HTRA1: variants seen among roughly 807,000 people sequenced by gnomAD.
The protein encoded by HTRA1 is serine protease HTRA1.
In HTRA1, 26 loss-of-function variants were observed where a neutral mutation model predicts 49.7. The observed-to-expected ratio is 0.52, with a 90% CI of 0.38 to 0.73. HTRA1 has a LOEUF of 0.73. Ranked by LOEUF, HTRA1 falls within the 30% of genes least tolerant of loss-of-function variation. The probability of loss-of-function intolerance (pLI) is 0.00; values close to 1 mark genes in which losing one functional copy is unlikely to be tolerated. For missense variants in HTRA1, 561 were observed against 667.2 expected (o/e 0.84, Z 1.75); for synonymous variants, 291 against 286.9 (o/e 1.01, Z -0.14).
At position 122,464,348 on chromosome 10, in the gene HTRA1, T is replaced by G. The variant is rs983133186; in HGVS notation, c.472+2224T>G. Among the ~76,000 whole-genome samples the G allele has an allele frequency of 6.6e-6, 1 of 152,106 alleles. No homozygotes were observed. Among genetic ancestry groups the G allele is most frequent in the African/African-American group, 2.4e-5 (1 of 41,430 alleles). ...TCGGGCTCACAGCGGGCCCCCGGTG[T>G]ACCAGTGAGGGGACAGCCACAGAGG... is the stretch of plus-strand genomic sequence containing the variant. On this transcript the variant is annotated intron_variant, in intron 1 of 8. Transcript: ENST00000368984. The surrounding 1 kb of genome is among the most constrained non-coding windows in gnomAD (Gnocchi z 4.8).
At chr10:122,481,457 A>G (rs1184993241) in intron 1 of HTRA1, among the ~76,000 whole-genome samples, 2 of 152,164 alleles carry the variant, frequency 1.3e-5, no homozygotes, top group Non-Finnish European at 2.9e-5. Context: ...TCATTTCTGT[A>G]TACTCTCTAC....
At chr10:122,507,546 T>G (rs1310432389) in intron 5 of HTRA1, 144 bp downstream of exon 5, 1 of 716,414 alleles carries the variant, frequency 1.4e-6, no homozygotes, top group Non-Finnish European at 2.5e-6. Context: ...TAAATTCCTT[T>G]AAAATGGCTC....
chr10:122,468,450 G>A (rs563471087), intron 1 of HTRA1, among the ~76,000 whole-genome samples: 8 of 144,312 alleles, frequency 5.5e-5, no homozygotes, highest in African/African-American at 1.5e-4. Context: ...CATCTTCAAG[G>A]CACTGACAAA....
intron 3 of HTRA1, among the ~76,000 whole-genome samples, chr10:122,498,791 GA>G: frequency 6.6e-6 from 1 of 152,292 alleles, no homozygotes; most frequent in African/African-American, 2.4e-5. Flanking sequence ...TTTTATCTTT[GA>G]ATTTGTATTT....
chr10:122,496,225 G>GTTTTTTTTTTTTTTTTTTTT lies in HTRA1; in HGVS notation c.777+6601_777+6602insTTTTTTTTTTTTTTTTTTTT, dbSNP rs1287521208. Reference sequence around the variant, plus strand: ...CCCTTTCGTTTGCCAGAGATTGTGGGTTCTTTTTTTTTTTTTTTTTTTTTT... The same window carrying GTTTTTTTTTTTTTTTTTTTT: ...CCCTTTCGTTTGCCAGAGATTGTGGGTTTTTTTTTTTTTTTTTTTTTTCTTTTTTTTTTTTTTTTTTTTTT... On this transcript the variant is annotated intron_variant, in intron 3 of 8. Transcript: ENST00000368984. 3.1e-3 allele frequency among the ~76,000 whole-genome samples: 246 copies of GTTTTTTTTTTTTTTTTTTTT among 80,402 alleles called. 99 individuals are homozygous for GTTTTTTTTTTTTTTTTTTTT. The highest frequency in any genetic ancestry group is 3.7e-3 in the African/African-American group (72 of 19,654). 52.7% of individuals were successfully genotyped at this position (80,402 alleles called of 152,430 possible).
chr10:122,475,431 G>A (rs2097488011), intron 1 of HTRA1, among the ~76,000 whole-genome samples: 1 of 152,242 alleles, frequency 6.6e-6, no homozygotes, highest in East Asian at 1.9e-4. Context: ...AAAGAAAGAG[G>A]CCACACGAAA....
chr10:122,507,727 T>C (rs2672584), intron 5 of HTRA1, among the ~76,000 whole-genome samples: 55,416 of 151,872 alleles, frequency 0.36, 11,059 homozygotes, highest in East Asian at 0.59. Context: ...TGAAGGTCAC[T>C]AAAAATGCTG....
intron 1 of HTRA1, among the ~76,000 whole-genome samples, chr10:122,483,278 A>G (rs1401281122): frequency 6.6e-6 from 1 of 152,242 alleles, no homozygotes; most frequent in Non-Finnish European, 1.5e-5. Context: ...TAGTTTATAA[A>G]GAGGAAAGAC....
chr10:122,506,956 T>C lies in HTRA1; in HGVS notation c.972+71T>C, dbSNP rs2097503321. The C allele has an allele frequency of 5.9e-6, 8 of 1,349,942 alleles. No individual in the cohort carries two copies. In the South Asian group the frequency reaches 9.5e-5, roughly 16 times the overall value. 83.6% of individuals were successfully genotyped at this position (1,349,942 alleles called of 1,614,324 possible). ...CCAGGGGGAGAGGAGTCAGCATAGG[T>C]CTTAGCCCCTGACTTTGTTGTAGTC... is the stretch of plus-strand genomic sequence containing the variant. On this transcript the variant is annotated intron_variant, in intron 4 of 8. Coordinates refer to ENST00000368984, the MANE Select transcript of HTRA1 (RefSeq NM_002775.5). The surrounding 1 kb of genome is among the most constrained non-coding windows in gnomAD (Gnocchi z 5.2).
In HTRA1 at chr10:122,477,884, C is replaced by G. The variant is rs143185075; in HGVS notation, c.473-11018C>G. 9.3e-5 allele frequency among the ~76,000 whole-genome samples: 13 copies of G among 139,270 alleles called. No homozygotes were observed. The East Asian group carries it at 2.8e-3, about 30-fold the overall frequency. 91.4% of individuals were successfully genotyped at this position (139,270 alleles called of 152,430 possible). ...TTTTATGCTCCTGCCTTTGAAAGAA[C>G]TTTTATTTTCTTGTCATTTATGCCC... On this transcript the variant is annotated intron_variant, in intron 1 of 8. Transcript: ENST00000368984.
intron 1 of HTRA1, among the ~76,000 whole-genome samples, chr10:122,486,283 G>A (rs2097493061): frequency 1.3e-5 from 2 of 152,114 alleles, no homozygotes; most frequent in South Asian, 2.1e-4. Flanking sequence ...CCACATGAAG[G>A]TAGAAAAAAT....
chr10:122,476,554 G>A (rs2097488555), intron 1 of HTRA1, among the ~76,000 whole-genome samples: 1 of 152,224 alleles, frequency 6.6e-6, no homozygotes, highest in African/African-American at 2.4e-5. Context: ...TGCATTTAGT[G>A]TAAAGATCAA....
In HTRA1 at chr10:122,506,873, C is replaced by T. The variant is rs755791245; in HGVS notation, c.960C>T (p.Asp320=). 64 of 1,613,424 alleles carry T rather than the reference C, an allele frequency of 4.0e-5. No individual in the cohort carries two copies. The highest frequency in any genetic ancestry group is 5.3e-5 in the African/African-American group (4 of 74,896). The change falls in exon 4 of 9, where the codon GAC becomes GAT. Residue 320 remains aspartate, a synonymous_variant. Transcript: ENST00000368984. The surrounding 1 kb of genome is among the most constrained non-coding windows in gnomAD (Gnocchi z 5.2). The stretch of plus-strand genomic sequence containing the variant: ...CAGACATGGACTACATCCAGACCGA[C>T]GCCATCATCAACGTGAGCCTCTGTC... ...RNSDMDYIQT[D]AIINYGNSGG... is the part of the protein sequence containing the mutation.
intron 1 of HTRA1, among the ~76,000 whole-genome samples, chr10:122,482,237 C>A (rs747200011): frequency 3.9e-5 from 6 of 152,136 alleles, no homozygotes; most frequent in Non-Finnish European, 5.9e-5. Context: ...CCTTTCAAAT[C>A]TTGGAGTCAG....
At chr10:122,467,088 G>C (rs1438490746) in intron 1 of HTRA1, among the ~76,000 whole-genome samples, 1 of 152,206 alleles carries the variant, frequency 6.6e-6, no homozygotes, top group Non-Finnish European at 1.5e-5. Context: ...AAGCCTGATG[G>C]CCTCCGCTTT....
rs533109555 is a variant in HTRA1 at position 122,477,036 on chromosome 10, T to C, written c.473-11866T>C. Reference sequence around the variant, plus strand: ...AGGCTGGAGTGCACTGGCGCAATCTTGGCTCACTGCAAGCTCCGCCTTCCA... The same window carrying C: ...AGGCTGGAGTGCACTGGCGCAATCTCGGCTCACTGCAAGCTCCGCCTTCCA... On this transcript the variant is annotated intron_variant, in intron 1 of 8. Transcript: ENST00000368984. Among the ~76,000 whole-genome samples, 15 of 150,900 alleles carry C rather than the reference T, an allele frequency of 9.9e-5. No homozygotes were observed. In the South Asian group the frequency reaches 1.1e-3, roughly 11 times the overall value.
intron 7 of HTRA1, among the ~76,000 whole-genome samples, chr10:122,511,710 G>A (rs552564248): frequency 2.1e-4 from 32 of 149,144 alleles, no homozygotes; most frequent in African/African-American, 6.2e-4. Flanking sequence ...TCCAGCCTGG[G>A]CGACAGAGCA....
chr10:122,491,613 C>T (rs1396351862), intron 3 of HTRA1, among the ~76,000 whole-genome samples: 2 of 152,220 alleles, frequency 1.3e-5, no homozygotes, highest in Non-Finnish European at 2.9e-5. Flanking sequence ...TATTCTTTTC[C>T]AATTTTGAGC....
chr10:122,502,076 T>TCTGGG (rs2097501153), intron 3 of HTRA1, among the ~76,000 whole-genome samples: 1 of 147,486 alleles, frequency 6.8e-6, no homozygotes, highest in African/African-American at 2.5e-5. Flanking sequence ...TATGGAAGAC[T>TCTGGG]CTGGGCTGAG....
Sources: gnomAD v4.1 joint callset for allele counts (sites outside exome capture counted in the v4.1 genomes callset) on GRCh38, gnomAD v4.1.1 for gene constraint, Gnocchi (gnomAD v3.1) non-coding constraint, MANE v1.5 for transcripts, NCBI Gene and HGNC (gene_info 2026-07-23, HGNC 2026-07-21) for gene names.